The following MAGI1 variants were observed in gnomAD, a reference collection of about 807,000 sequenced individuals.
MAGI1 encodes membrane associated guanylate kinase, WW and PDZ domain containing 1.
MAGI1 carries 58 observed loss-of-function variants against 139.9 expected under a neutral mutation model. That is an observed-to-expected ratio of 0.41 (90% confidence interval 0.34 to 0.52). The LOEUF is 0.52. MAGI1 is among the 20% of genes least tolerant of loss of function. MAGI1 has a pLI of 0.12. For missense variants in MAGI1, 1,874 were observed against 1,901.6 expected, an observed-to-expected ratio of 0.99 and a Z score of 0.27; for synonymous variants, 812 against 737.9, an observed-to-expected ratio of 1.10 and a Z score of -1.63.
intron 3 of MAGI1, among the ~76,000 whole-genome samples, chr3:65,488,542 T>C (rs1157791139): frequency 6.6e-6 from 1 of 151,750 alleles, no homozygotes; most frequent in Non-Finnish European, 1.5e-5. Flanking sequence ...GATTTTACCA[T>C]GTTGGCCAGG....
At chr3:65,956,711 T>C (rs1217319199) in intron 1 of MAGI1, among the ~76,000 whole-genome samples, 1 of 152,106 alleles carries the variant, frequency 6.6e-6, no homozygotes, top group Non-Finnish European at 1.5e-5. Flanking sequence ...AAATTACCTA[T>C]TGAAGGCAGG....
At chr3:65,693,172 C>T (rs1354975844) in intron 1 of MAGI1, among the ~76,000 whole-genome samples, 1 of 152,122 alleles carries the variant, frequency 6.6e-6, no homozygotes, top group Non-Finnish European at 1.5e-5. Context: ...CTGGAACTCC[C>T]ATGTTCAACC....
At chr3:66,025,235 T>C (rs952167849) in intron 1 of MAGI1, among the ~76,000 whole-genome samples, 1 of 152,222 alleles carries the variant, frequency 6.6e-6, no homozygotes, top group Non-Finnish European at 1.5e-5. Flanking sequence ...CTACATATAG[T>C]ATTTTTTTAA....
intron 1 of MAGI1, among the ~76,000 whole-genome samples, chr3:65,634,557 T>G (rs1223388951): frequency 6.6e-6 from 1 of 152,228 alleles, no homozygotes; most frequent in African/African-American, 2.4e-5. Context: ...CTCAGTTCCC[T>G]AATCTATCAG....
chr3:65,653,904 T>C (rs1270453053), intron 1 of MAGI1, among the ~76,000 whole-genome samples: 3 of 152,190 alleles, frequency 2.0e-5, no homozygotes, highest in Non-Finnish European at 4.4e-5. Context: ...AAAATATGCA[T>C]ACACATAGGC....
At chr3:65,851,421 G>A (rs1189965700) in intron 1 of MAGI1, among the ~76,000 whole-genome samples, 2 of 152,118 alleles carry the variant, frequency 1.3e-5, no homozygotes, top group African/African-American at 4.8e-5. Context: ...GGGCACTGGT[G>A]ATGGAGTGTA....
chr3:65,566,825 C>A (rs1001817316), intron 2 of MAGI1, among the ~76,000 whole-genome samples: 1 of 142,040 alleles, frequency 7.0e-6, no homozygotes, highest in African/African-American at 2.6e-5. Context: ...GAGACCTCTC[C>A]TGACCCGGTG....
intron 1 of MAGI1, among the ~76,000 whole-genome samples, chr3:65,694,004 A>G (rs931042663): frequency 3.4e-4 from 51 of 152,118 alleles, no homozygotes; most frequent in African/African-American, 1.2e-3. Flanking sequence ...TACAGGCATG[A>G]GCCACCGTGC....
chr3:65,501,209 G>T (rs1019649163), intron 2 of MAGI1, among the ~76,000 whole-genome samples: 1 of 152,042 alleles, frequency 6.6e-6, no homozygotes, highest in South Asian at 2.1e-4. Flanking sequence ...GGCCAGGTGC[G>T]GTGGCACATA....
chr3:65,587,947 T>C (rs2081771864), intron 2 of MAGI1, among the ~76,000 whole-genome samples: 1 of 152,166 alleles, frequency 6.6e-6, no homozygotes, highest in Non-Finnish European at 1.5e-5. Context: ...GAAGCTCAAC[T>C]TCCCAGTGTT....
At chr3:65,657,355 G>T (rs894738847) in intron 1 of MAGI1, among the ~76,000 whole-genome samples, 1 of 151,608 alleles carries the variant, frequency 6.6e-6, no homozygotes, top group African/African-American at 2.4e-5. Flanking sequence ...AGCACATTGG[G>T]AGGCTGAGGT....
intron 1 of MAGI1, among the ~76,000 whole-genome samples, chr3:65,637,423 G>T (rs1192652878): frequency 6.6e-6 from 1 of 151,892 alleles, no homozygotes; most frequent in Non-Finnish European, 1.5e-5. Context: ...GTATGGTGGT[G>T]CATGCCTGTA....
At chr3:65,883,552 A>G (rs920296877) in intron 1 of MAGI1, among the ~76,000 whole-genome samples, 3 of 152,248 alleles carry the variant, frequency 2.0e-5, no homozygotes, top group African/African-American at 7.2e-5. Context: ...TACTTCTGGA[A>G]GACCACCCAG....
intron 1 of MAGI1, among the ~76,000 whole-genome samples, chr3:65,682,682 A>G (rs2087678724): frequency 1.3e-5 from 2 of 152,192 alleles, no homozygotes; most frequent in Admixed American, 1.3e-4. Context: ...ATATAGGGCC[A>G]GAGAAAAAGT....
At chr3:65,475,585 C>T (rs1950847876) in intron 4 of MAGI1, among the ~76,000 whole-genome samples, 1 of 152,158 alleles carries the variant, frequency 6.6e-6, no homozygotes, top group Non-Finnish European at 1.5e-5. Context: ...TGTGCTTTGG[C>T]CAACAGTCTA....
chr3:65,848,599 C>A (rs541899427), intron 1 of MAGI1, among the ~76,000 whole-genome samples: 41 of 146,476 alleles, frequency 2.8e-4, no homozygotes, highest in South Asian at 4.3e-4. Context: ...TTTTTATTTT[C>A]TTTCTAAGCT....
chr3:65,530,624 G>GTGGTGTGTGTGTGT (rs1204700107), intron 2 of MAGI1, among the ~76,000 whole-genome samples: 64 of 129,098 alleles, frequency 5.0e-4, no homozygotes, highest in Admixed American at 1.2e-3. Flanking sequence ...ATGTGTGTGT[G>GTGGTGTGTGTGTGT]GTGTGTGTGT....
At chr3:66,030,190 G>C (rs2068517518) in intron 1 of MAGI1, among the ~76,000 whole-genome samples, 1 of 152,102 alleles carries the variant, frequency 6.6e-6, no homozygotes, top group Admixed American at 6.5e-5. Context: ...AATATTCCTG[G>C]ATCAATCGGC....
At chr3:65,613,673 G>A (rs1309487456) in intron 2 of MAGI1, among the ~76,000 whole-genome samples, 1 of 152,166 alleles carries the variant, frequency 6.6e-6, no homozygotes, top group African/African-American at 2.4e-5. Context: ...GAACATTGGG[G>A]AATTAGCTGA....
Sources: allele counts gnomAD v4.1 joint callset (sites outside exome capture counted in the v4.1 genomes callset), GRCh38; gene constraint gnomAD v4.1.1; transcripts MANE v1.5; gene names NCBI Gene and HGNC (gene_info 2026-07-23, HGNC 2026-07-21).